The following CENPW variants were observed in gnomAD, a reference collection of about 807,000 sequenced individuals.
CENPW encodes centromere protein W.
In CENPW, 3 loss-of-function variants were observed where a neutral mutation model predicts 11.1. The observed-to-expected ratio is 0.27, with a 90% CI of 0.12 to 0.70. The LOEUF (loss-of-function observed/expected upper bound fraction) is 0.70, where lower values mean the gene tolerates loss of function less well. Ranked by LOEUF, CENPW falls within the 30% of genes least tolerant of loss-of-function variation. CENPW has a pLI of 0.77. For missense variants in CENPW, 100 were observed against 105.6 expected (o/e 0.95, Z 0.23); for synonymous variants, 38 against 42.0 (o/e 0.91, Z 0.37).
chr6:126,481,327 G>A, the CENPW span, among the ~76,000 whole-genome samples: 1 of 151,812 alleles, frequency 6.6e-6, no homozygotes, highest in African/African-American at 2.4e-5. Context: ...TCTTTTGATA[G>A]GCATATTGTT....
the CENPW span, among the ~76,000 whole-genome samples, chr6:126,357,122 G>A: frequency 8.6e-3 from 1,310 of 152,050 alleles, 14 homozygotes; most frequent in African/African-American, 0.03. Flanking sequence ...TTTATATGGC[G>A]TAGGAGTGCA....
chr6:126,411,663 G>A, the CENPW span, among the ~76,000 whole-genome samples: 3 of 152,058 alleles, frequency 2.0e-5, no homozygotes, highest in Non-Finnish European at 4.4e-5. Context: ...TACCTCTGGG[G>A]TACAGGGCAC....
the CENPW span, among the ~76,000 whole-genome samples, chr6:126,393,225 T>TA: frequency 7.9e-5 from 12 of 151,828 alleles, no homozygotes; most frequent in Admixed American, 5.9e-4. Context: ...GTTTATGTTT[T>TA]AAAAAAATTA....
chr6:126,458,622 GAGAATCTTAGT>G, the CENPW span, among the ~76,000 whole-genome samples: 1 of 151,212 alleles, frequency 6.6e-6, no homozygotes, highest in Non-Finnish European at 1.5e-5. Context: ...GGACGACACT[GAGAATCTTAGT>G]AGAATCAACC....
chr6:126,386,972 A>C, the CENPW span, among the ~76,000 whole-genome samples: 1 of 151,986 alleles, frequency 6.6e-6, no homozygotes, highest in African/African-American at 2.4e-5. Flanking sequence ...CACTAATTTA[A>C]AAATAATTTA....
chr6:126,394,362 C>T, the CENPW span, among the ~76,000 whole-genome samples: 3 of 151,892 alleles, frequency 2.0e-5, no homozygotes, highest in Non-Finnish European at 4.4e-5. Flanking sequence ...TCTATTATTT[C>T]AAACTGATGA....
At chr6:126,353,851 T>G (rs1055632660), downstream of CENPW, among the ~76,000 whole-genome samples, 11 of 152,126 alleles carry the variant, frequency 7.2e-5, no homozygotes, top group African/African-American at 2.7e-4. Context: ...TCTCATCTGT[T>G]TCATCTGCTC....
the CENPW span, among the ~76,000 whole-genome samples, chr6:126,446,453 A>AT: frequency 2.0e-5 from 3 of 150,394 alleles, no homozygotes; most frequent in African/African-American, 7.3e-5. Context: ...ACTGAGACAG[A>AT]CTTTCTCTGT....
chr6:126,401,190 C>T, the CENPW span, among the ~76,000 whole-genome samples: 1 of 152,012 alleles, frequency 6.6e-6, no homozygotes, highest in Non-Finnish European at 1.5e-5. Context: ...GGTGTTGAAT[C>T]AGTTTAGCCA....
the CENPW span, among the ~76,000 whole-genome samples, chr6:126,465,129 C>T: frequency 7.2e-5 from 11 of 151,850 alleles, no homozygotes; most frequent in Admixed American, 5.3e-4. Context: ...AATCTATAAA[C>T]GTAAGAAATA....
At chr6:126,364,261 C>T in the CENPW span, among the ~76,000 whole-genome samples, 3 of 152,176 alleles carry the variant, frequency 2.0e-5, no homozygotes, top group African/African-American at 7.2e-5. Context: ...ACTTAAAACT[C>T]ATCCTGTTTT....
the CENPW span, among the ~76,000 whole-genome samples, chr6:126,428,697 C>G: frequency 6.6e-6 from 1 of 152,238 alleles, no homozygotes; most frequent in African/African-American, 2.4e-5. Context: ...TAAAAATTTT[C>G]TTTTACTGGC....
chr6:126,474,584 C>T, the CENPW span, among the ~76,000 whole-genome samples: 4 of 152,122 alleles, frequency 2.6e-5, no homozygotes, highest in Non-Finnish European at 5.9e-5. Context: ...TGACAATTAT[C>T]TCTCCTAGGT....
chr6:126,461,363 A>G, the CENPW span, among the ~76,000 whole-genome samples: 2 of 151,870 alleles, frequency 1.3e-5, no homozygotes, highest in African/African-American at 4.8e-5. Flanking sequence ...GGATGTCCTT[A>G]TTAGCAGCAT....
At chr6:126,414,692 AT>A in the CENPW span, among the ~76,000 whole-genome samples, 1 of 152,196 alleles carries the variant, frequency 6.6e-6, no homozygotes, top group African/African-American at 2.4e-5. Context: ...TTTCAAGTAA[AT>A]GACCGAATGA....
chr6:126,389,274 TA>T, the CENPW span, among the ~76,000 whole-genome samples: 4 of 152,100 alleles, frequency 2.6e-5, no homozygotes. Context: ...AATTGCTATC[TA>T]CAGTTGCAGA....
the CENPW span, among the ~76,000 whole-genome samples, chr6:126,438,496 T>C: frequency 1.0e-3 from 49 of 48,460 alleles, 1 homozygote; most frequent in South Asian, 0.078. Flanking sequence ...GGATACAGTG[T>C]TGTTTAACAA....
the CENPW span, among the ~76,000 whole-genome samples, chr6:126,471,871 G>A: frequency 1.3e-5 from 2 of 152,248 alleles, no homozygotes; most frequent in Admixed American, 1.3e-4. Flanking sequence ...TTCAAGTTGA[G>A]CAATGTTTTT....
the CENPW span, among the ~76,000 whole-genome samples, chr6:126,462,502 CTTT>C: frequency 1.8e-4 from 25 of 142,684 alleles, no homozygotes; most frequent in Admixed American, 1.1e-3. Context: ...CTCTTCTCTT[CTTT>C]TCTTTCTCTC....
Sources: gnomAD v4.1 joint callset for allele counts (sites outside exome capture counted in the v4.1 genomes callset) on GRCh38, gnomAD v4.1.1 for gene constraint, MANE v1.5 for transcripts, NCBI Gene and HGNC (gene_info 2026-07-23, HGNC 2026-07-21) for gene names.